SRPK1: variants seen among roughly 807,000 people sequenced by gnomAD.
SRPK1 encodes SFRS protein kinase 1.
In SRPK1, 52 loss-of-function variants were observed where a neutral mutation model predicts 89.5. The observed-to-expected ratio is 0.58, with a 90% confidence interval of 0.46 to 0.73. The LOEUF is 0.73. Ranked by LOEUF, SRPK1 falls within the 30% of genes least tolerant of loss-of-function variation. The probability of loss-of-function intolerance (pLI) is 0.00; values close to 1 mark genes in which losing one functional copy is unlikely to be tolerated. For missense variants in SRPK1, 603 were observed against 780.6 expected (o/e 0.77, Z 2.71); for synonymous variants, 255 against 270.2 (o/e 0.94, Z 0.55).
chr6:35,883,429 T>A (rs1479940093), intron 6 of SRPK1, among the ~76,000 whole-genome samples: 2 of 151,264 alleles, frequency 1.3e-5, no homozygotes, highest in Non-Finnish European at 2.9e-5. Context: ...ATAAAAAAAA[T>A]TATCAAAACA....
chr6:35,911,437 G>A (rs371152064), intron 2 of SRPK1, among the ~76,000 whole-genome samples: 13 of 152,008 alleles, frequency 8.6e-5, no homozygotes, highest in East Asian at 1.9e-4. Context: ...TTACTTGGCC[G>A]GGCGTGGTGG....
chr6:35,862,427 T>C (rs1769800085), intron 12 of SRPK1, among the ~76,000 whole-genome samples: 1 of 151,988 alleles, frequency 6.6e-6, no homozygotes, highest in Non-Finnish European at 1.5e-5. Flanking sequence ...GCCAAAAAAG[T>C]TATACAAAAA....
Position 35,920,651 on chromosome 6 carries a change from C to T in SRPK1, c.14-123G>A. Reference sequence around the variant, plus strand: ...GGCCTGCCTCGGGGGCGGCTGCGGGCTCCGGCGAGGCGGCCGGCCGTGGGG... The same window carrying T: ...GGCCTGCCTCGGGGGCGGCTGCGGGTTCCGGCGAGGCGGCCGGCCGTGGGG... On this transcript the variant is annotated intron_variant, in intron 1 of 15. Coordinates refer to ENST00000373825, the MANE Select transcript of SRPK1 (RefSeq NM_003137.5). The T allele has an allele frequency of 4.4e-6, 3 of 682,726 alleles. No individual in the cohort carries two copies. The African/African-American group carries it at 5.8e-5, about 13-fold the overall frequency. The allele number at this position is 682,726 out of a possible 1,614,324, so 42.3% of individuals were successfully genotyped here.
chr6:35,916,238 A>T (rs551634220), intron 2 of SRPK1, among the ~76,000 whole-genome samples: 162 of 147,650 alleles, frequency 1.1e-3, no homozygotes, highest in African/African-American at 1.8e-3. Context: ...ATAAATAAAT[A>T]AATAAATTAA....
chr6:35,863,579 C>G (rs990697629), intron 12 of SRPK1, among the ~76,000 whole-genome samples: 2 of 148,412 alleles, frequency 1.3e-5, no homozygotes, highest in African/African-American at 5.0e-5. Context: ...AGAGTTAAGG[C>G]ATCCAGATAC....
At chr6:35,914,023 T>C (rs990183107) in intron 2 of SRPK1, among the ~76,000 whole-genome samples, 13 of 131,312 alleles carry the variant, frequency 9.9e-5, no homozygotes, top group African/African-American at 3.6e-4. Flanking sequence ...TCGCCCAGGC[T>C]GGAGTGCAAT....
intron 2 of SRPK1, among the ~76,000 whole-genome samples, chr6:35,914,804 CT>C (rs543896271): frequency 1.2e-3 from 176 of 144,224 alleles, no homozygotes; most frequent in Admixed American, 1.3e-3. Flanking sequence ...TAGTTAAATC[CT>C]TTTTTTTTTT....
chr6:35,900,823 T>C (rs1770725676), intron 2 of SRPK1, among the ~76,000 whole-genome samples: 1 of 152,088 alleles, frequency 6.6e-6, no homozygotes, highest in Non-Finnish European at 1.5e-5. Flanking sequence ...AAAGATGGTA[T>C]GTTTGGGGTT....
At chr6:35,904,235 T>C (rs1226354928) in intron 2 of SRPK1, among the ~76,000 whole-genome samples, 3 of 152,302 alleles carry the variant, frequency 2.0e-5, no homozygotes, top group Middle Eastern at 3.4e-3. Flanking sequence ...AGTTATACCC[T>C]GTTAAATTAG....
At chr6:35,919,062 A>G (rs1274613841) in intron 2 of SRPK1, among the ~76,000 whole-genome samples, 1 of 152,232 alleles carries the variant, frequency 6.6e-6, no homozygotes, top group Non-Finnish European at 1.5e-5. Context: ...CTAGGCACAG[A>G]AAAGTAACAT....
chr6:35,887,164 A>ATT (rs796728645), intron 5 of SRPK1, among the ~76,000 whole-genome samples: 2 of 150,216 alleles, frequency 1.3e-5, no homozygotes, highest in East Asian at 3.9e-4. Context: ...TTCAGCGGAC[A>ATT]TTTTTTTTTT....
chr6:35,874,367 C>T (rs759758344), intron 6 of SRPK1, 28 bp from the exon 7 acceptor site: 13 of 1,521,810 alleles, frequency 8.5e-6, no homozygotes, highest in African/African-American at 4.1e-5. Context: ...AGGGAAAAAA[C>T]GGCACAAAAG....
intron 13 of SRPK1, among the ~76,000 whole-genome samples, chr6:35,855,713 T>G (rs1769651842): frequency 6.6e-6 from 1 of 152,164 alleles, no homozygotes. Flanking sequence ...AAGTTTATAT[T>G]AACAAAGTGA....
At chr6:35,873,678 C>G in intron 7 of SRPK1, among the ~76,000 whole-genome samples, 1 of 151,008 alleles carries the variant, frequency 6.6e-6, no homozygotes, top group East Asian at 2.0e-4. Context: ...TTAGTAGAGA[C>G]GGGGTTTCGC....
intron 12 of SRPK1, among the ~76,000 whole-genome samples, chr6:35,865,650 A>G (rs1769880132): frequency 6.6e-6 from 1 of 152,198 alleles, no homozygotes; most frequent in Admixed American, 6.5e-5. Flanking sequence ...TATACTTAAC[A>G]GCAAACTGAT....
intron 2 of SRPK1, among the ~76,000 whole-genome samples, chr6:35,901,189 AG>A (rs1192445653): frequency 6.6e-6 from 1 of 152,220 alleles, no homozygotes; most frequent in African/African-American, 2.4e-5. Context: ...TGCCCCTCCT[AG>A]AAAGATACGT....
Position 35,857,292 on chromosome 6 carries a change from G to A in SRPK1, c.1589C>T (p.Thr530Ile), listed in dbSNP as rs2151084347. Reference protein sequence around the residue: ...LEVLIGSGYNTPADIWSTACM... With the variant: ...LEVLIGSGYNIPADIWSTACM... ...TGCCGTGCTCCAAATGTCAGCAGGG[G>A]TATTATAGCCAGATCCGATTAGAAC... The change falls in exon 13 of 16, where the codon ACC (threonine) becomes ATC (isoleucine). Residue 530 changes from threonine to isoleucine, a missense_variant. Coordinates refer to ENST00000373825, the MANE Select transcript of SRPK1 (RefSeq NM_003137.5). 6.2e-7 allele frequency: 1 copy of A among 1,613,114 alleles called. No individual in the cohort carries two copies. The highest frequency in any genetic ancestry group is 8.5e-7 in the Non-Finnish European group (1 of 1,179,530).
intron 2 of SRPK1, among the ~76,000 whole-genome samples, chr6:35,895,307 TG>T: frequency 6.6e-6 from 1 of 152,296 alleles, no homozygotes; most frequent in African/African-American, 2.4e-5. Context: ...AAGGATTCTT[TG>T]TAAACACTGT....
chr6:35,913,730 G>A (rs1054869925), intron 2 of SRPK1, among the ~76,000 whole-genome samples: 6 of 151,310 alleles, frequency 4.0e-5, no homozygotes, highest in Non-Finnish European at 5.9e-5. Context: ...CCCAGGAGGC[G>A]GAAGTTGCAG....
Sources: allele counts gnomAD v4.1 joint callset (sites outside exome capture counted in the v4.1 genomes callset), GRCh38; gene constraint gnomAD v4.1.1; transcripts MANE v1.5; gene names NCBI Gene and HGNC (gene_info 2026-07-23, HGNC 2026-07-21).